The following TCF25 variants were observed in gnomAD, a reference collection of about 807,000 sequenced individuals.
TCF25 encodes TCF25 ribosome quality control complex subunit, also known as ribosome quality control complex subunit TCF25.
Under a neutral mutation model 83.1 loss-of-function variants are expected in TCF25, and 41 were observed. The ratio of observed to expected loss-of-function variants is 0.49; its 90% CI spans 0.38 to 0.64. TCF25 has a LOEUF of 0.64. Ranked by LOEUF, TCF25 falls within the 30% of genes least tolerant of loss-of-function variation. The pLI, the probability that TCF25 is intolerant of heterozygous loss-of-function variation, is 0.00. For missense variants in TCF25, 979 were observed against 914.5 expected, an observed-to-expected ratio of 1.07 and a Z score of -0.91; for synonymous variants, 458 against 365.0, an observed-to-expected ratio of 1.25 and a Z score of -2.90.
intron 1 of TCF25, among the ~76,000 whole-genome samples, chr16:89,882,834 G>A (rs2042711833): frequency 6.6e-6 from 1 of 152,158 alleles, no homozygotes. Flanking sequence ...TGATCCGCCT[G>A]CATCAACCTC....
intron 12 of TCF25, 115 bp from the exon 13 acceptor site, chr16:89,904,003 C>A: frequency 9.3e-7 from 1 of 1,075,910 alleles, no homozygotes. Context: ...GACTCTCCAC[C>A]TTAGAACAGC....
chr16:89,893,979 G>A, intron 7 of TCF25, 121 bp downstream of exon 7: 2 of 1,436,288 alleles, frequency 1.4e-6, no homozygotes, highest in Non-Finnish European at 1.9e-6. Flanking sequence ...CAACAGGAAG[G>A]GTGCCAGTCT....
intron 5 of TCF25, among the ~76,000 whole-genome samples, chr16:89,891,924 C>T (rs2043461905): frequency 6.6e-6 from 1 of 152,098 alleles, no homozygotes; most frequent in South Asian, 2.1e-4. Context: ...CCCATCTTGG[C>T]CTCTCAAAGT....
At position 89,895,980 on chromosome 16, in the gene TCF25, G is replaced by T; in HGVS notation, c.929-10G>T. 6.2e-7 allele frequency: 1 copy of T among 1,613,148 alleles called. No homozygotes were observed. The highest frequency in any genetic ancestry group is 8.5e-7 in the Non-Finnish European group (1 of 1,179,512). On this transcript the variant is annotated splice_polypyrimidine_tract_variant and intron_variant, in intron 8 of 17. Transcript: ENST00000263346. Reference sequence around the variant, plus strand: ...CATGACACCCTCCCCTGGCGTCCCTGTGCCCACAGAGAGAGCGCTGTACAG... The same window carrying T: ...CATGACACCCTCCCCTGGCGTCCCTTTGCCCACAGAGAGAGCGCTGTACAG...
intron 5 of TCF25, among the ~76,000 whole-genome samples, chr16:89,891,912 C>T (rs910776259): frequency 1.3e-5 from 2 of 152,088 alleles, no homozygotes; most frequent in African/African-American, 4.8e-5. Context: ...TCAAGAAATT[C>T]TCCCATCTTG....
intron 13 of TCF25, 193 bp from the exon 14 acceptor site, chr16:89,904,745 C>G: frequency 1.4e-6 from 1 of 726,452 alleles, no homozygotes; most frequent in Non-Finnish European, 2.4e-6. Context: ...CATAACCTGC[C>G]CAACAGGCTC....
At chr16:89,879,380 T>C (rs576614193) in intron 1 of TCF25, among the ~76,000 whole-genome samples, 25 of 144,364 alleles carry the variant, frequency 1.7e-4, no homozygotes, top group Admixed American at 7.6e-4. Flanking sequence ...TGTACACAGA[T>C]GGGCTTCGGA....
chr16:89,883,864 C>CGA (rs1456192347), intron 2 of TCF25: 2 of 223,530 alleles, frequency 8.9e-6, no homozygotes, highest in East Asian at 1.0e-4. Context: ...CTAACTGTGC[C>CGA]CCGAACGTTT....
At position 89,873,753 on chromosome 16, in the gene TCF25, G is replaced by T. The variant is rs771470053; in HGVS notation, c.86G>T (p.Arg29Leu). Reference protein sequence around the residue: ...LGPGALHFDLRDDDDAEEEGP... With the variant: ...LGPGALHFDLLDDDDAEEEGP... ...CCCGGCGCCTTGCATTTCGATCTCC[G>T]TGATGACGATGACGCGGAAGAAGAA... Residue 29 changes from arginine (R) to leucine (L), a missense_variant, in exon 1 of 18, where the codon CGT (arginine) becomes CTT (leucine). Transcript: ENST00000263346. 1 of 1,611,352 alleles carries T rather than the reference G, an allele frequency of 6.2e-7. No homozygotes were observed. Among genetic ancestry groups the T allele is most frequent in the African/African-American group, 1.3e-5 (1 of 74,636 alleles).
At chr16:89,908,384 CCCTCCTTCCAGTTT>C (rs2045168580) in intron 16 of TCF25, among the ~76,000 whole-genome samples, 1 of 148,970 alleles carries the variant, frequency 6.7e-6, no homozygotes, top group Non-Finnish European at 1.5e-5. Context: ...GCTCCCACCT[CCCTCCTTCCAGTTT>C]CCACCTCCCA....
chr16:89,905,532 C>G (rs749551699), intron 14 of TCF25, among the ~76,000 whole-genome samples: 3 of 152,220 alleles, frequency 2.0e-5, no homozygotes, highest in African/African-American at 7.2e-5. Flanking sequence ...GTTCTTGTCT[C>G]GTTTGTCTGC....
Position 89,873,841 on chromosome 16 carries a change from C to T in TCF25, c.174C>T (p.Val58=). Residue 58 remains valine, a synonymous_variant, in exon 1 of 18, where the codon GTC becomes GTT. Transcript: ENST00000263346. ...GCGCAGGGAAGGAGGGCGTCCGAGT[C>T]AACAACCGCTTCGAGCTGGTGAGGA... ...PGGAGKEGVR[V]NNRFELINID... The T allele has an allele frequency of 6.5e-7, 1 of 1,549,954 alleles. No individual in the cohort carries two copies. Among genetic ancestry groups the T allele is most frequent in the Non-Finnish European group, 8.7e-7 (1 of 1,149,502 alleles).
rs1240154450 is a variant in TCF25, at chr16:89,876,580, C to T, written c.192+2721C>T. On this transcript the variant is annotated intron_variant, in intron 1 of 17. Coordinates refer to ENST00000263346, the MANE Select transcript of TCF25 (RefSeq NM_014972.3). ...GGGAGGTGGGCAGATCACCTGAGGT[C>T]AGGAGTTCGAGAGCAGCCTGGCCAA... Among the ~76,000 whole-genome samples, 4 of 152,246 alleles carry T rather than the reference C, an allele frequency of 2.6e-5. No individual in the cohort carries two copies. The East Asian group carries it at 7.7e-4, about 29-fold the overall frequency.
intron 11 of TCF25, among the ~76,000 whole-genome samples, chr16:89,899,851 A>T (rs1404297174): frequency 6.6e-6 from 1 of 152,172 alleles, no homozygotes; most frequent in Non-Finnish European, 1.5e-5. Flanking sequence ...GGGGCTGGGG[A>T]GAAGGCGACA....
Position 89,911,175 on chromosome 16 carries a change from C to T in TCF25, c.1968C>T (p.Phe656=), listed in dbSNP as rs572932471. ...MLAVRDMMAN[F]HLNDLEAPHE... is the part of the protein sequence containing the mutation. ...CTGTGCGCGACATGATGGCCAACTT[C>T]CACCTCAACGACCTGGAGGCGCCGC... The change falls in exon 18 of 18, where the codon TTC becomes TTT. Residue 656 remains phenylalanine (F), a synonymous_variant. Coordinates refer to ENST00000263346, the MANE Select transcript of TCF25 (RefSeq NM_014972.3). The T allele has an allele frequency of 6.2e-7, 1 of 1,612,410 alleles. No homozygotes were observed. The highest frequency in any genetic ancestry group is 1.1e-5 in the South Asian group (1 of 91,058).
intron 1 of TCF25, among the ~76,000 whole-genome samples, chr16:89,882,693 T>G (rs2042699422): frequency 1.3e-5 from 2 of 152,208 alleles, no homozygotes; most frequent in South Asian, 2.1e-4. Flanking sequence ...TTCAAACGAT[T>G]ATACCACTTC....
chr16:89,910,814 C>T, intron 17 of TCF25, 151 bp downstream of exon 17: 1 of 1,014,994 alleles, frequency 9.9e-7, no homozygotes, highest in Non-Finnish European at 1.4e-6. Context: ...AGTGGGGTGC[C>T]CATTCTGCCG....
chr16:89,876,455 G>A (rs2042197200), intron 1 of TCF25, among the ~76,000 whole-genome samples: 2 of 152,142 alleles, frequency 1.3e-5, no homozygotes, highest in Admixed American at 1.3e-4. Flanking sequence ...TTAGAGACAA[G>A]ATCTCTTTAT....
chr16:89,876,406 A>T (rs2042192231), intron 1 of TCF25, among the ~76,000 whole-genome samples: 1 of 152,320 alleles, frequency 6.6e-6, no homozygotes, highest in South Asian at 2.1e-4. Flanking sequence ...TGCATTGGTG[A>T]GAGACATGGT....
Sources: allele counts gnomAD v4.1 joint callset (sites outside exome capture counted in the v4.1 genomes callset), GRCh38; gene constraint gnomAD v4.1.1; transcripts MANE v1.5; gene names NCBI Gene and HGNC (gene_info 2026-07-23, HGNC 2026-07-21).